The following TRAF7 variants were observed in gnomAD, a reference collection of about 807,000 sequenced individuals.
The protein encoded by TRAF7 is E3 ubiquitin-protein ligase TRAF7.
TRAF7 carries 45 observed loss-of-function variants against 89.3 expected under a neutral mutation model. The ratio of observed to expected loss-of-function variants is 0.50; its 90% confidence interval spans 0.40 to 0.65. TRAF7 has a LOEUF of 0.65. TRAF7 is among the 30% of genes least tolerant of loss of function. The pLI, the probability that TRAF7 is intolerant of heterozygous loss-of-function variation, is 0.00. For missense variants in TRAF7, 677 were observed against 918.1 expected (o/e 0.74, Z 3.39); for synonymous variants, 406 against 369.2 (o/e 1.10, Z -1.14).
chr16:2,160,572 G>A (rs946247485), intron 1 of TRAF7, among the ~76,000 whole-genome samples: 11 of 143,486 alleles, frequency 7.7e-5, no homozygotes, highest in African/African-American at 8.0e-5. Flanking sequence ...GTGGGTGGGC[G>A]GGCGGTGCTC....
At chr16:2,164,041 C>A (rs765779896) in intron 2 of TRAF7, 40 bp downstream of exon 2, 2 of 1,550,460 alleles carry the variant, frequency 1.3e-6, no homozygotes, top group Non-Finnish European at 1.8e-6. Context: ...ATCCCCAGGA[C>A]CCCCAGCATG....
chr16:2,167,525 G>A (rs1224705674), intron 3 of TRAF7, among the ~76,000 whole-genome samples: 2 of 152,194 alleles, frequency 1.3e-5, no homozygotes, highest in African/African-American at 4.8e-5. Flanking sequence ...CACCAAAGCT[G>A]GGGCCACTTC....
In TRAF7 at chr16:2,176,684, T is replaced by G; in HGVS notation, c.*110T>G. 4 of 1,537,828 alleles carry G rather than the reference T, an allele frequency of 2.6e-6. No individual in the cohort carries two copies. The East Asian group carries it at 6.8e-5, about 26-fold the overall frequency. ...TTTCTGCCTGCCCCGTGGGCATAGG[T>G]GGACAGGCTCTGGCAGCCGGGCAGT... On this transcript the variant is annotated 3_prime_UTR_variant, in exon 21 of 21. Coordinates refer to ENST00000326181, the MANE Select transcript of TRAF7 (RefSeq NM_032271.3).
chr16:2,176,856 T>TA lies in TRAF7; in HGVS notation c.*282_*283insA. The TA allele has an allele frequency of 1.7e-6, 1 of 575,624 alleles. No individual in the cohort carries two copies. The highest frequency in any genetic ancestry group is 3.1e-6 in the Non-Finnish European group (1 of 322,208). The allele number at this position is 575,624 out of a possible 1,614,324, so 35.7% of individuals were successfully genotyped here. ...CCCCACCCTAGATGGAGCGAGGGCC[T>TA]TTTTACTCACCTTTTCTACCGTTTT... On this transcript the variant is annotated 3_prime_UTR_variant, in exon 21 of 21. Transcript: ENST00000326181.
chr16:2,157,001 C>T (rs972695681), intron 1 of TRAF7, among the ~76,000 whole-genome samples: 3 of 152,170 alleles, frequency 2.0e-5, no homozygotes, highest in Admixed American at 6.5e-5. Context: ...CCTGCTGGAG[C>T]CCACCCTGCT....
rs1224587260 is a variant in TRAF7, at chr16:2,158,091, G to C, written c.-39+2233G>C. On this transcript the variant is annotated intron_variant, in intron 1 of 20. Transcript: ENST00000326181. The surrounding 1 kb of genome is among the most constrained non-coding windows in gnomAD (Gnocchi z 4.7). ...GTCTGAGCCCAGTGCCTGTGGCCTTGACCACGGTGTCACAGCATCTCCTGG... is the reference window on the plus strand; with the variant it reads ...GTCTGAGCCCAGTGCCTGTGGCCTTCACCACGGTGTCACAGCATCTCCTGG... Among the ~76,000 whole-genome samples the C allele has an allele frequency of 2.6e-5, 4 of 152,228 alleles. No individual in the cohort carries two copies. Among genetic ancestry groups the C allele is most frequent in the Non-Finnish European group, 4.4e-5 (3 of 68,042 alleles).
At chr16:2,157,542 G>C (rs1314740643) in intron 1 of TRAF7, among the ~76,000 whole-genome samples, 3 of 152,226 alleles carry the variant, frequency 2.0e-5, no homozygotes, top group Non-Finnish European at 4.4e-5. Context: ...AAGGCTCCTA[G>C]CTCCTCCCGG....
At chr16:2,166,048 G>C in intron 3 of TRAF7, 112 bp downstream of exon 3, 2 of 1,379,022 alleles carry the variant, frequency 1.5e-6, no homozygotes, top group Non-Finnish European at 2.0e-6. Flanking sequence ...GGGTGCCAGT[G>C]CTGGGCGCGG....
At chr16:2,175,269 T>C (rs1019420174) in intron 15 of TRAF7, 32 bp from the exon 16 acceptor site, 2 of 1,611,246 alleles carry the variant, frequency 1.2e-6, no homozygotes, top group African/African-American at 2.7e-5. Context: ...CAGGGCTTGG[T>C]GCCCTGAGGC....
At chr16:2,164,655 CGT>C (rs1274838529) in intron 2 of TRAF7, among the ~76,000 whole-genome samples, 1 of 140,926 alleles carries the variant, frequency 7.1e-6, no homozygotes, top group Non-Finnish European at 1.5e-5. Flanking sequence ...CATGGTTAAG[CGT>C]GTGAGTGCTG....
Position 2,162,839 on chromosome 16 carries a change from T to C in TRAF7, c.-38-1044T>C, listed in dbSNP as rs769343171. On this transcript the variant is annotated intron_variant, in intron 1 of 20. Transcript: ENST00000326181. The surrounding 1 kb of genome is among the most constrained non-coding windows in gnomAD (Gnocchi z 5.0). ...GCTTCAAGCCGGGGCTCGGCTGCGC[T>C]ATCCGCTGCCAGCAGGAGACAGGGC... 7.9e-5 allele frequency among the ~76,000 whole-genome samples: 12 copies of C among 152,076 alleles called. No homozygotes were observed. Among genetic ancestry groups the C allele is most frequent in the Admixed American group, 6.5e-4 (10 of 15,290 alleles).
chr16:2,174,125 C>T, intron 13 of TRAF7, 77 bp downstream of exon 13: 4 of 1,604,990 alleles, frequency 2.5e-6, no homozygotes, highest in Admixed American at 3.3e-5. Context: ...GCCAGCCTGC[C>T]TATGGGTGGG....
At position 2,170,640 on chromosome 16, in the gene TRAF7, C is replaced by G. The variant is rs78086885; in HGVS notation, c.258C>G (p.Ser86=). The change falls in exon 5 of 21, where the codon TCC becomes TCG. Residue 86 remains serine, a synonymous_variant. Coordinates refer to ENST00000326181, the MANE Select transcript of TRAF7 (RefSeq NM_032271.3). ...SMPPISTPRR[S]DSAISVRSLH... is the part of the protein sequence containing the mutation. Reference sequence around the variant, plus strand: ...CCCCCATCAGCACTCCCCGCCGCTCCGACTCCGCCATCTCTGTCCGCTCCC... The same window carrying G: ...CCCCCATCAGCACTCCCCGCCGCTCGGACTCCGCCATCTCTGTCCGCTCCC... 2 of 1,610,096 alleles carry G rather than the reference C, an allele frequency of 1.2e-6. No individual in the cohort carries two copies. Among genetic ancestry groups the G allele is most frequent in the Middle Eastern group, 1.7e-4 (1 of 6,058 alleles).
At position 2,172,271 on chromosome 16, in the gene TRAF7, A is replaced by G; in HGVS notation, c.556A>G (p.Ile186Val). 6.2e-7 allele frequency: 1 copy of G among 1,612,832 alleles called. No individual in the cohort carries two copies. Among genetic ancestry groups the G allele is most frequent in the Non-Finnish European group, 8.5e-7 (1 of 1,179,962 alleles). ...AVAEQIGELF[I>V]HCRHGCRVAG... is the part of the protein sequence containing the mutation. ...GGCCGAGCAGATCGGGGAGCTCTTC[A>G]TCCACTGCCGGCACGGCTGCCGGGT... The change falls in exon 8 of 21, where the codon ATC becomes GTC. Residue 186 changes from isoleucine to valine, a missense_variant. Transcript: ENST00000326181.
Position 2,163,173 on chromosome 16 carries a change from A to G in TRAF7, c.-38-710A>G, listed in dbSNP as rs1169721749. Among the ~76,000 whole-genome samples, 1 of 151,916 alleles carries G rather than the reference A, an allele frequency of 6.6e-6. No individual in the cohort carries two copies. The highest frequency in any genetic ancestry group is 1.5e-5 in the Non-Finnish European group (1 of 67,910). ...CAGCCCCTCTCTTCTGGGGAGGGTG[A>G]TTCCCGCATGCCTTCTCCCTGCCCC... On this transcript the variant is annotated intron_variant, in intron 1 of 20. Coordinates refer to ENST00000326181, the MANE Select transcript of TRAF7 (RefSeq NM_032271.3). The surrounding 1 kb of genome is among the most constrained non-coding windows in gnomAD (Gnocchi z 4.3).
chr16:2,167,648 C>A (rs1047308964), intron 3 of TRAF7, among the ~76,000 whole-genome samples: 1 of 152,216 alleles, frequency 6.6e-6, no homozygotes, highest in Non-Finnish European at 1.5e-5. Flanking sequence ...AGGGAACTCA[C>A]CTGGCAGAGG....
At chr16:2,173,689 C>A in intron 11 of TRAF7, 99 bp from the exon 12 acceptor site, 2 of 1,577,904 alleles carry the variant, frequency 1.3e-6, no homozygotes, top group East Asian at 2.3e-5. Context: ...TGCTGTCACC[C>A]CTGCCCACCC....
Position 2,161,378 on chromosome 16 carries a change from C to T in TRAF7, c.-38-2505C>T, listed in dbSNP as rs1306668581. 1.3e-5 allele frequency among the ~76,000 whole-genome samples: 2 copies of T among 152,098 alleles called. No homozygotes were observed. Among genetic ancestry groups the T allele is most frequent in the Admixed American group, 1.3e-4 (2 of 15,274 alleles). ...GACTTTCTGGCTGATTTGCACATTG[C>T]CCTGCGTGCCTTTCTGTTCACCTCA... On this transcript the variant is annotated intron_variant, in intron 1 of 20. Coordinates refer to ENST00000326181, the MANE Select transcript of TRAF7 (RefSeq NM_032271.3). The surrounding 1 kb of genome is among the most constrained non-coding windows in gnomAD (Gnocchi z 5.2).
At chr16:2,164,586 C>T (rs1281316200) in intron 2 of TRAF7, among the ~76,000 whole-genome samples, 15 of 127,678 alleles carry the variant, frequency 1.2e-4, no homozygotes, top group Non-Finnish European at 1.9e-4. Context: ...GTTAGTGCTA[C>T]GTGGCGCGGC....
Sources: allele counts gnomAD v4.1 joint callset (sites outside exome capture counted in the v4.1 genomes callset), GRCh38; gene constraint gnomAD v4.1.1; non-coding constraint Gnocchi (gnomAD v3.1); transcripts MANE v1.5; gene names NCBI Gene and HGNC (gene_info 2026-07-23, HGNC 2026-07-21).